Variants in GRID2 observed in about 807,000 individuals in gnomAD.
The protein encoded by GRID2 is glutamate ionotropic receptor delta type subunit 2, also known as glutamate receptor ionotropic, delta-2.
GRID2 carries 33 observed loss-of-function variants against 114.8 expected under a neutral mutation model. The ratio of observed to expected loss-of-function variants is 0.29; its 90% CI spans 0.22 to 0.38. The LOEUF is 0.38. GRID2 is among the 10% of genes least tolerant of loss of function. GRID2 has a pLI of 1.00. For missense variants in GRID2, 1,184 were observed against 1,257.7 expected (o/e 0.94, Z 0.89); for synonymous variants, 505 against 449.9 (o/e 1.12, Z -1.55).
At chr4:92,325,966 T>C (rs1039769188) in intron 1 of GRID2, among the ~76,000 whole-genome samples, 2 of 151,774 alleles carry the variant, frequency 1.3e-5, no homozygotes, top group Non-Finnish European at 2.9e-5. Flanking sequence ...TAATATATAC[T>C]GTACTGAAAA....
intron 2 of GRID2, among the ~76,000 whole-genome samples, chr4:93,076,571 C>T (rs11731811): frequency 0.46 from 68,174 of 147,188 alleles, 16,531 homozygotes; most frequent in Admixed American, 0.6. Context: ...TGCAGTATTA[C>T]TAACTGAGCC....
At chr4:92,907,303 C>T (rs1000092821) in intron 2 of GRID2, among the ~76,000 whole-genome samples, 3 of 152,176 alleles carry the variant, frequency 2.0e-5, no homozygotes, top group East Asian at 1.9e-4. Flanking sequence ...ACTCCTCTCA[C>T]TTTAGCAGCA....
At chr4:93,255,652 G>T (rs996441703) in intron 8 of GRID2, among the ~76,000 whole-genome samples, 1 of 151,944 alleles carries the variant, frequency 6.6e-6, no homozygotes, top group African/African-American at 2.4e-5. Context: ...TTGTGCGAAG[G>T]GGTTATTATA....
chr4:92,568,388 T>G (rs1389920273), intron 1 of GRID2, among the ~76,000 whole-genome samples: 1 of 151,892 alleles, frequency 6.6e-6, no homozygotes, highest in East Asian at 1.9e-4. Flanking sequence ...ACAAAGAAAC[T>G]TTTACAACAA....
chr4:92,328,396 T>C (rs2110138801), intron 1 of GRID2, among the ~76,000 whole-genome samples: 1 of 152,124 alleles, frequency 6.6e-6, no homozygotes, highest in Middle Eastern at 3.4e-3. Context: ...AAAATAAACA[T>C]TCAGAAGTAA....
intron 7 of GRID2, among the ~76,000 whole-genome samples, chr4:93,233,065 T>C (rs1014250113): frequency 6.6e-6 from 1 of 152,120 alleles, no homozygotes; most frequent in Non-Finnish European, 1.5e-5. Context: ...AAGTATGCAT[T>C]AGCCAAGAAA....
chr4:93,127,314 G>C (rs1379310832), intron 4 of GRID2, among the ~76,000 whole-genome samples: 1 of 152,058 alleles, frequency 6.6e-6, no homozygotes, highest in Non-Finnish European at 1.5e-5. Flanking sequence ...TTGTGTTGTG[G>C]TCTTTGAACA....
intron 2 of GRID2, among the ~76,000 whole-genome samples, chr4:92,895,159 C>G (rs1578408221): frequency 6.6e-6 from 1 of 151,744 alleles, no homozygotes; most frequent in Non-Finnish European, 1.5e-5. Flanking sequence ...AGTCACAAAG[C>G]TGGGACTATC....
chr4:92,833,841 A>G (rs1180942662), intron 2 of GRID2: 1 of 152,190 alleles, frequency 6.6e-6, no homozygotes, highest in Non-Finnish European at 1.5e-5. Flanking sequence ...AGCCTCCTAG[A>G]ATCTTCCTCC....
intron 4 of GRID2, among the ~76,000 whole-genome samples, chr4:93,193,589 C>A (rs1741202744): frequency 6.6e-6 from 1 of 152,116 alleles, no homozygotes; most frequent in Non-Finnish European, 1.5e-5. Flanking sequence ...TTCAATTAAA[C>A]CTCTTTCCTT....
intron 8 of GRID2, among the ~76,000 whole-genome samples, chr4:93,250,540 G>C (rs1249552796): frequency 1.2e-4 from 11 of 91,474 alleles, no homozygotes; most frequent in African/African-American, 5.6e-5. Flanking sequence ...TTACTCCAAG[G>C]TTTTCTTCTT....
Position 93,335,891 on chromosome 4 carries a change from A to G in GRID2, c.1246-59716A>G, listed in dbSNP as rs201505785. 3.3e-5 allele frequency among the ~76,000 whole-genome samples: 5 copies of G among 151,882 alleles called. No individual in the cohort carries two copies. In the East Asian group the frequency reaches 9.7e-4, roughly 29 times the overall value. ...TTTTTGTAGAGACAGGGTTTCACCAAGTTTTCTAGGCTGGTCTTAAACTGG... is the reference window on the plus strand; with the variant it reads ...TTTTTGTAGAGACAGGGTTTCACCAGGTTTTCTAGGCTGGTCTTAAACTGG... On this transcript the variant is annotated intron_variant, in intron 8 of 15. Transcript: ENST00000282020.
At chr4:93,053,520 A>G (rs1197850731) in intron 2 of GRID2, among the ~76,000 whole-genome samples, 3 of 151,942 alleles carry the variant, frequency 2.0e-5, no homozygotes, top group Admixed American at 1.3e-4. Flanking sequence ...AGACTTATCA[A>G]AGTCTCATTG....
chr4:92,397,575 T>C (rs576507014), intron 1 of GRID2, among the ~76,000 whole-genome samples: 3 of 151,714 alleles, frequency 2.0e-5, no homozygotes, highest in Non-Finnish European at 2.9e-5. Flanking sequence ...AAACTGAAAG[T>C]GAAAAGAAAT....
At chr4:93,364,039 C>A (rs996236301) in intron 8 of GRID2, among the ~76,000 whole-genome samples, 1 of 151,932 alleles carries the variant, frequency 6.6e-6, no homozygotes, top group Admixed American at 6.6e-5. Flanking sequence ...GTGTTGTATT[C>A]ATTGTAGTTT....
chr4:93,426,073 T>C (rs1161078556), intron 10 of GRID2, among the ~76,000 whole-genome samples: 2 of 152,166 alleles, frequency 1.3e-5, no homozygotes, highest in Non-Finnish European at 2.9e-5. Context: ...CTAAATTGTT[T>C]GTAAGGAATG....
At chr4:92,722,898 G>T (rs900179914) in intron 2 of GRID2, among the ~76,000 whole-genome samples, 1 of 151,330 alleles carries the variant, frequency 6.6e-6, no homozygotes, top group African/African-American at 2.5e-5. Flanking sequence ...TAATAGAAAA[G>T]GATCTCAAAC....
chr4:92,731,186 AC>A (rs1281000938), intron 2 of GRID2, among the ~76,000 whole-genome samples: 1 of 151,810 alleles, frequency 6.6e-6, no homozygotes, highest in Non-Finnish European at 1.5e-5. Flanking sequence ...GAATTTAGAG[AC>A]TAAATAATGT....
In GRID2 at chr4:93,239,407, G is replaced by A. The variant is rs529924381; in HGVS notation, c.1245+917G>A. On this transcript the variant is annotated intron_variant, in intron 8 of 15. Transcript: ENST00000282020. ...GGAAAAACCTAACATAATTGTGTAC[G>A]CAGAGCTGGTAACTGTAAATTTCTA... is the stretch of plus-strand genomic sequence containing the variant. 3.2e-3 allele frequency among the ~76,000 whole-genome samples: 490 copies of A among 151,088 alleles called. 3 individuals carry two copies. The highest frequency in any genetic ancestry group is 6.1e-3 in the Non-Finnish European group (414 of 67,452).
Sources: allele counts gnomAD v4.1 joint callset (sites outside exome capture counted in the v4.1 genomes callset), GRCh38; gene constraint gnomAD v4.1.1; transcripts MANE v1.5; gene names NCBI Gene and HGNC (gene_info 2026-07-23, HGNC 2026-07-21).